C1orf174: variants seen among roughly 807,000 people sequenced by gnomAD.
C1orf174 encodes UPF0688 protein C1orf174.
A neutral mutation model predicts 18.4 loss-of-function variants in C1orf174; 13 were observed. That is an observed-to-expected ratio of 0.71 (90% confidence interval 0.46 to 1.12). C1orf174 has a LOEUF of 1.12. Ranked by LOEUF, C1orf174 falls within the 50% of genes most tolerant of loss-of-function variation. The pLI is 0.00. For missense variants in C1orf174, 309 were observed against 308.0 expected, an observed-to-expected ratio of 1.00 and a Z score of -0.02; for synonymous variants, 100 against 118.3, an observed-to-expected ratio of 0.85 and a Z score of 1.01.
At position 3,890,887 on chromosome 1, in the gene C1orf174, A is replaced by G. The variant is rs1222518268; in HGVS notation, c.300T>C (p.Ser100=). ...TPCENEFAEG[S]ALLPGSEAGV... ...CAGCCTCGCTGCCTGGAAGCAAGGCACTGCCTTCAGCAAACTCATTTTCAC... is the reference window on the plus strand; with the variant it reads ...CAGCCTCGCTGCCTGGAAGCAAGGCGCTGCCTTCAGCAAACTCATTTTCAC... The change falls in exon 3 of 4, where the codon AGT becomes AGC. Residue 100 remains serine, a synonymous_variant. Transcript: ENST00000361605. The G allele has an allele frequency of 1.2e-6, 2 of 1,613,838 alleles. No individual in the cohort carries two copies. Among genetic ancestry groups the G allele is most frequent in the Non-Finnish European group, 8.5e-7 (1 of 1,180,010 alleles).
chr1:3,896,629 G>A (rs1354988140), intron 1 of C1orf174, among the ~76,000 whole-genome samples: 2 of 152,250 alleles, frequency 1.3e-5, no homozygotes, highest in Non-Finnish European at 2.9e-5. Flanking sequence ...GGGGGTGGAG[G>A]CAGTGGAGAA....
intron 3 of C1orf174, among the ~76,000 whole-genome samples, chr1:3,890,307 C>T (rs939574527): frequency 1.3e-5 from 2 of 152,096 alleles, no homozygotes; most frequent in Non-Finnish European, 2.9e-5. Flanking sequence ...TAACAGCAAG[C>T]GCGGGGTGGA....
At position 3,890,598 on chromosome 1, in the gene C1orf174, G is replaced by T; in HGVS notation, c.589C>A (p.Arg197=). The part of the protein sequence containing the change: ...DDSNQPMPVS[R]FFGNVELMQD... ...ATGAGCTCAACGTTTCCAAAGAACC[G>T]GCTCACGGGCATTGGCTGATTGCTG... The change falls in exon 3 of 4, where the codon CGG becomes AGG. Residue 197 remains arginine (R), a synonymous_variant. Transcript: ENST00000361605. 6.2e-7 allele frequency: 1 copy of T among 1,614,116 alleles called. No homozygotes were observed. Among genetic ancestry groups the T allele is most frequent in the Non-Finnish European group, 8.5e-7 (1 of 1,180,024 alleles).
rs754099051 is a variant in C1orf174 at position 3,900,244 on chromosome 1, G to A, written c.-58C>T. 2.0e-6 allele frequency: 3 copies of A among 1,529,034 alleles called. No individual in the cohort carries two copies. The highest frequency in any genetic ancestry group is 2.5e-5 in the East Asian group (1 of 39,434). 94.7% of individuals were successfully genotyped at this position (1,529,034 alleles called of 1,614,324 possible). ...CCCGGCCAACGCGTCCCGGCGGAGC[G>A]GCGACCCGGAGTCTGCAGAGCGCGC... On this transcript the variant is annotated 5_prime_UTR_variant, in exon 1 of 4. Coordinates refer to ENST00000361605, the MANE Select transcript of C1orf174 (RefSeq NM_207356.3).
chr1:3,891,612 C>G, intron 2 of C1orf174: 1 of 986,106 alleles, frequency 1.0e-6, no homozygotes, highest in South Asian at 4.7e-5. Context: ...CTCCGTGAAG[C>G]GGCTCTACTT....
At chr1:3,890,473 C>T (rs1470219916) in intron 3 of C1orf174, 96 bp downstream of exon 3, 19 of 1,482,360 alleles carry the variant, frequency 1.3e-5, no homozygotes, top group Admixed American at 3.9e-5. Context: ...AATGTTGTGT[C>T]GAGGCATTAT....
chr1:3,899,150 A>C (rs1261768871), intron 1 of C1orf174, among the ~76,000 whole-genome samples: 1 of 152,232 alleles, frequency 6.6e-6, no homozygotes. Context: ...AGACTTGTAT[A>C]AAGAAAAGAA....
At chr1:3,900,040 G>C (rs112886428) in intron 1 of C1orf174, 132 bp downstream of exon 1, 2 of 1,146,140 alleles carry the variant, frequency 1.7e-6, no homozygotes, top group Admixed American at 3.7e-5. Flanking sequence ...AACTACTGCC[G>C]GGGGCGAGGC....
At position 3,893,349 on chromosome 1, in the gene C1orf174, C is replaced by G. The variant is rs930887211; in HGVS notation, c.16-353G>C. Among the ~76,000 whole-genome samples, 24 of 152,188 alleles carry G rather than the reference C, an allele frequency of 1.6e-4. 1 individual carries two copies. Among genetic ancestry groups the G allele is most frequent in the African/African-American group, 5.8e-4 (24 of 41,486 alleles). On this transcript the variant is annotated intron_variant, in intron 1 of 3. Transcript: ENST00000361605. ...CTTAGAAGGCTCTCCAACTTTCATA[C>G]GTTGTCAAAGTTTTTAAAAAAAGGT...
chr1:3,894,485 T>C (rs1638569321), intron 1 of C1orf174, among the ~76,000 whole-genome samples: 1 of 150,584 alleles, frequency 6.6e-6, no homozygotes, highest in Non-Finnish European at 1.5e-5. Flanking sequence ...TGGGCGCCTG[T>C]AGTCCCAGCT....
At chr1:3,898,982 G>T (rs888006051) in intron 1 of C1orf174, among the ~76,000 whole-genome samples, 3 of 152,152 alleles carry the variant, frequency 2.0e-5, no homozygotes, top group Admixed American at 2.0e-4. Flanking sequence ...AGCTTAAGAT[G>T]TATATGGAGA....
intron 3 of C1orf174, 53 bp downstream of exon 3, chr1:3,890,516 A>T (rs1638485654): frequency 1.3e-6 from 2 of 1,598,738 alleles, no homozygotes; most frequent in Non-Finnish European, 1.7e-6. Context: ...GTGTGACCTG[A>T]ATGTGCAGCT....
chr1:3,894,937 T>A (rs1638580147), intron 1 of C1orf174, among the ~76,000 whole-genome samples: 1 of 152,250 alleles, frequency 6.6e-6, no homozygotes, highest in Non-Finnish European at 1.5e-5. Context: ...CCAAGGGGAC[T>A]GAGGCAACAG....
intron 3 of C1orf174, among the ~76,000 whole-genome samples, chr1:3,890,287 CAAAAG>C (rs1481430418): frequency 5.3e-5 from 8 of 152,088 alleles, no homozygotes; most frequent in African/African-American, 1.4e-4. Flanking sequence ...GGGTTCAAAA[CAAAAG>C]AAATTAACAG....
At chr1:3,895,965 C>A (rs576645819) in intron 1 of C1orf174, 1 of 152,684 alleles carries the variant, frequency 6.5e-6, no homozygotes, top group East Asian at 1.9e-4. Flanking sequence ...TTTAGAGAGC[C>A]TTTGGAAATG....
At chr1:3,899,798 G>A (rs560423077) in intron 1 of C1orf174, among the ~76,000 whole-genome samples, 2 of 152,082 alleles carry the variant, frequency 1.3e-5, no homozygotes, top group Non-Finnish European at 2.9e-5. Flanking sequence ...TCTCCCGAGG[G>A]CGTGGACCGG....
At chr1:3,898,881 C>T (rs1281344275) in intron 1 of C1orf174, among the ~76,000 whole-genome samples, 5 of 152,142 alleles carry the variant, frequency 3.3e-5, no homozygotes, top group African/African-American at 7.2e-5. Context: ...GTAACATTAT[C>T]AGATGTAATA....
Position 3,889,794 on chromosome 1 carries a change from T to TC in C1orf174, c.*165dup. 1 of 646,994 alleles carries TC rather than the reference T, an allele frequency of 1.5e-6. No homozygotes were observed. The highest frequency in any genetic ancestry group is 1.7e-5 in the South Asian group (1 of 57,232). The allele number at this position is 646,994 out of a possible 1,614,324, so 40.1% of individuals were successfully genotyped here. On this transcript the variant is annotated 3_prime_UTR_variant, in exon 4 of 4. Transcript: ENST00000361605. ...TTGAGTTTTAGTTCCCATGAGTACA[T>TC]CCTCCACAGGTATTGGGTGCTTTGC... is the stretch of plus-strand genomic sequence containing the variant.
chr1:3,891,877 C>T, intron 2 of C1orf174: 1 of 922,008 alleles, frequency 1.1e-6, no homozygotes, highest in Non-Finnish European at 1.3e-6. Flanking sequence ...TCTAGACACA[C>T]ACACGGGTGG....
Sources: allele counts gnomAD v4.1 joint callset (sites outside exome capture counted in the v4.1 genomes callset), GRCh38; gene constraint gnomAD v4.1.1; transcripts MANE v1.5; gene names NCBI Gene and HGNC (gene_info 2026-07-23, HGNC 2026-07-21).